ATF6: variants seen among roughly 807,000 people sequenced by gnomAD.
The protein encoded by ATF6 is activating transcription factor 6, also known as cyclic AMP-dependent transcription factor ATF-6 alpha.
ATF6 carries 53 observed loss-of-function variants against 83.6 expected under a neutral mutation model. That is an observed-to-expected ratio of 0.63 (90% CI 0.51 to 0.80). The LOEUF (loss-of-function observed/expected upper bound fraction) is 0.80, where lower values mean the gene tolerates loss of function less well. Ranked by LOEUF, ATF6 falls within the 30% of genes least tolerant of loss-of-function variation. The pLI, the probability that ATF6 is intolerant of heterozygous loss-of-function variation, is 0.00. For synonymous variants in ATF6, 288 were observed against 285.8 expected (o/e 1.01, Z -0.08); for missense variants, 744 against 797.9 (o/e 0.93, Z 0.81).
rs541081541 is a variant in ATF6 at position 161,958,750 on chromosome 1, G to A, written c.*96G>A. 1 of 1,038,086 alleles carries A rather than the reference G, an allele frequency of 9.6e-7. No homozygotes were observed. The highest frequency in any genetic ancestry group is 2.5e-5 in the Admixed American group (1 of 40,220). The allele number at this position is 1,038,086 out of a possible 1,614,324, so 64.3% of individuals were successfully genotyped here. On this transcript the variant is annotated 3_prime_UTR_variant, in exon 16 of 16. Coordinates refer to ENST00000367942, the MANE Select transcript of ATF6 (RefSeq NM_007348.4). Reference sequence around the variant, plus strand: ...GCTTTCTGCCTTGGTGGCAGGCAGAGAACTGTCTCGTACTAGAATTCAAGG... The same window carrying A: ...GCTTTCTGCCTTGGTGGCAGGCAGAAAACTGTCTCGTACTAGAATTCAAGG...
intron 10 of ATF6, 94 bp from the exon 11 acceptor site, chr1:161,851,628 C>A: frequency 1.3e-6 from 1 of 755,524 alleles, no homozygotes; most frequent in Non-Finnish European, 2.2e-6. Flanking sequence ...ATTTTTGTTT[C>A]CATGAAAAGT....
intron 6 of ATF6, among the ~76,000 whole-genome samples, chr1:161,798,208 C>G (rs186364129): frequency 2.0e-5 from 3 of 152,258 alleles, no homozygotes; most frequent in Admixed American, 1.3e-4. Flanking sequence ...TATAAAAACC[C>G]TAGAAGAAAA....
intron 14 of ATF6, among the ~76,000 whole-genome samples, chr1:161,887,165 G>A (rs146201570): frequency 0.013 from 1,977 of 151,616 alleles, 47 homozygotes; most frequent in African/African-American, 0.044. Flanking sequence ...TCCACCTCCC[G>A]GGTTCAATCT....
intron 1 of ATF6, among the ~76,000 whole-genome samples, chr1:161,777,363 A>C (rs920445392): frequency 6.6e-5 from 10 of 152,144 alleles, no homozygotes; most frequent in Admixed American, 5.9e-4. Flanking sequence ...GCTAAATACT[A>C]TTTTGTCTTA....
chr1:161,812,784 C>CTGTGTGTGTG lies in ATF6; in HGVS notation c.910-6825_910-6816dup, dbSNP rs4040222. The stretch of plus-strand genomic sequence containing the variant: ...GATGGAAGTAATAATTTTGCCTCCT[C>CTGTGTGTGTG]TGTGTGTGTGTGTGTGTGTGTGTGT... On this transcript the variant is annotated intron_variant, in intron 7 of 15. Transcript: ENST00000367942. 1.9e-3 allele frequency among the ~76,000 whole-genome samples: 276 copies of CTGTGTGTGTG among 145,440 alleles called. 1 individual carries two copies. Among genetic ancestry groups the CTGTGTGTGTG allele is most frequent in the African/African-American group, 6.6e-3 (259 of 39,508 alleles).
At chr1:161,862,574 A>G (rs542706737) in intron 13 of ATF6, among the ~76,000 whole-genome samples, 1 of 151,970 alleles carries the variant, frequency 6.6e-6, no homozygotes, top group South Asian at 2.1e-4. Context: ...AGTGACTCCT[A>G]TGGGACAGGA....
chr1:161,882,249 A>G (rs558025513), intron 14 of ATF6, among the ~76,000 whole-genome samples: 5 of 152,264 alleles, frequency 3.3e-5, no homozygotes, highest in African/African-American at 1.2e-4. Flanking sequence ...AACATAACAT[A>G]TACTGTAGAT....
At chr1:161,944,686 G>C (rs1688713960) in intron 15 of ATF6, among the ~76,000 whole-genome samples, 1 of 152,216 alleles carries the variant, frequency 6.6e-6, no homozygotes, top group Non-Finnish European at 1.5e-5. Flanking sequence ...TGCAGCCTCT[G>C]CTGCAAGGAA....
intron 15 of ATF6, among the ~76,000 whole-genome samples, chr1:161,953,418 C>T (rs991895970): frequency 6.6e-6 from 1 of 152,118 alleles, no homozygotes; most frequent in Non-Finnish European, 1.5e-5. Context: ...TCTAGCGAGG[C>T]CTATACATTT....
intron 9 of ATF6, among the ~76,000 whole-genome samples, chr1:161,836,106 G>A (rs956880822): frequency 2.0e-5 from 3 of 152,252 alleles, no homozygotes; most frequent in South Asian, 2.1e-4. Context: ...AGGTAACCAC[G>A]GAGCATATGG....
chr1:161,847,307 G>C (rs2101820169), intron 10 of ATF6, among the ~76,000 whole-genome samples: 1 of 152,208 alleles, frequency 6.6e-6, no homozygotes, highest in African/African-American at 2.4e-5. Flanking sequence ...AATTATTACA[G>C]ATTTGTTTAC....
chr1:161,851,283 T>C (rs1686621841), intron 10 of ATF6, among the ~76,000 whole-genome samples: 1 of 146,044 alleles, frequency 6.8e-6, no homozygotes, highest in African/African-American at 2.5e-5. Context: ...CACCCCTACC[T>C]GTTTTACAGA....
At chr1:161,948,630 T>A (rs969825537) in intron 15 of ATF6, among the ~76,000 whole-genome samples, 3 of 152,232 alleles carry the variant, frequency 2.0e-5, no homozygotes, top group Non-Finnish European at 2.9e-5. Context: ...GTGATTAGAT[T>A]CCATCTAAGG....
chr1:161,853,358 G>GT lies in ATF6; in HGVS notation c.1533+36dup. On this transcript the variant is annotated intron_variant, in intron 12 of 15. Coordinates refer to ENST00000367942, the MANE Select transcript of ATF6 (RefSeq NM_007348.4). ...TGTTTGTCTTTGAACAATAGTTGGC[G>GT]TATTTGTTGGAAGGCTTCTCCCAGC... 3 of 1,537,440 alleles carry GT rather than the reference G, an allele frequency of 2.0e-6. No individual in the cohort carries two copies. In the Middle Eastern group the frequency reaches 5.1e-4, roughly 260 times the overall value.
intron 2 of ATF6, among the ~76,000 whole-genome samples, chr1:161,779,930 G>A (rs975502733): frequency 3.3e-5 from 5 of 151,970 alleles, no homozygotes; most frequent in African/African-American, 1.2e-4. Flanking sequence ...TAGAGACGGG[G>A]TTTCACTACA....
chr1:161,772,963 GTTTTTTTTTTT>G (rs34459711), intron 1 of ATF6, among the ~76,000 whole-genome samples: 6 of 73,508 alleles, frequency 8.2e-5, no homozygotes, highest in East Asian at 3.2e-4. Flanking sequence ...TGAAACTCCT[GTTTTTTTTTTT>G]TTTTTTTTTT....
intron 9 of ATF6, among the ~76,000 whole-genome samples, chr1:161,836,826 G>A (rs1175903237): frequency 6.6e-6 from 1 of 152,202 alleles, no homozygotes; most frequent in Non-Finnish European, 1.5e-5. Context: ...TGAAGGGAAA[G>A]GCAGCTGAAA....
chr1:161,828,053 G>A (rs1372532243), intron 9 of ATF6, among the ~76,000 whole-genome samples: 2 of 151,998 alleles, frequency 1.3e-5, no homozygotes, highest in Non-Finnish European at 2.9e-5. Flanking sequence ...TTACTCATTG[G>A]GGTTAATTCT....
In ATF6 at chr1:161,927,909, A is replaced by T. The variant is rs925020403; in HGVS notation, c.1804+15529A>T. 2.6e-5 allele frequency among the ~76,000 whole-genome samples: 4 copies of T among 152,220 alleles called. 1 individual carries two copies. Among genetic ancestry groups the T allele is most frequent in the Non-Finnish European group, 5.9e-5 (4 of 68,044 alleles). The stretch of plus-strand genomic sequence containing the variant: ...AAAATTAAGTATTTACAAGGTTTAA[A>T]GTATTTTGGAGTTTTGTTTCCTTTT... On this transcript the variant is annotated intron_variant, in intron 15 of 15. Transcript: ENST00000367942.
Sources: allele counts gnomAD v4.1 joint callset (sites outside exome capture counted in the v4.1 genomes callset), GRCh38; gene constraint gnomAD v4.1.1; transcripts MANE v1.5; gene names NCBI Gene and HGNC (gene_info 2026-07-23, HGNC 2026-07-21).